Variants in SREK1IP1 observed in about 807,000 individuals in gnomAD.
SREK1IP1 encodes protein SREK1IP1.
In SREK1IP1, 12 loss-of-function variants were observed where a neutral mutation model predicts 22.8. The ratio of observed to expected loss-of-function variants is 0.53; its 90% confidence interval spans 0.34 to 0.85. SREK1IP1 has a LOEUF of 0.85. SREK1IP1 is among the 40% of genes least tolerant of loss of function. The pLI is 0.02. For missense variants in SREK1IP1, 147 were observed against 171.8 expected, an observed-to-expected ratio of 0.86 and a Z score of 0.81; for synonymous variants, 53 against 52.7, an observed-to-expected ratio of 1.01 and a Z score of -0.02.
rs1743119029 is a variant in SREK1IP1 at position 64,768,677 on chromosome 5, G to A, written c.-160C>T. On this transcript the variant is annotated 5_prime_UTR_variant, in exon 1 of 5. Transcript: ENST00000513458. ...AAGGGCCTGTACGCCTCTAGCGACG[G>A]CAGAACCAGTAGATGCGGATGCAGT... The A allele has an allele frequency of 2.2e-6, 2 of 898,532 alleles. No individual in the cohort carries two copies. Among genetic ancestry groups the A allele is most frequent in the Non-Finnish European group, 3.5e-6 (2 of 571,192 alleles). The allele number at this position is 898,532 out of a possible 1,614,324, so 55.7% of individuals were successfully genotyped here. A position where few individuals can be genotyped will look rare whatever the true frequency, so the allele number is the denominator to read the frequency against.
rs1742160666 is a variant in SREK1IP1 at position 64,721,512 on chromosome 5, G to C, written c.*2872C>G. Reference sequence around the variant, plus strand: ...TCAGAGAGTCAAAGATGTAAATGGAGATGTATATTAAGTATGAAGAAATAG... The same window carrying C: ...TCAGAGAGTCAAAGATGTAAATGGACATGTATATTAAGTATGAAGAAATAG... On this transcript the variant is annotated 3_prime_UTR_variant, in exon 5 of 5. Coordinates refer to ENST00000513458, the MANE Select transcript of SREK1IP1 (RefSeq NM_173829.4). The C allele has an allele frequency of 6.6e-6, 1 of 151,588 alleles. No individual in the cohort carries two copies. Among genetic ancestry groups the C allele is most frequent in the Middle Eastern group, 3.2e-3 (1 of 316 alleles). 9.4% of individuals were successfully genotyped at this position (151,588 alleles called of 1,614,324 possible).
chr5:64,725,377 T>C (rs1489670995), intron 4 of SREK1IP1, among the ~76,000 whole-genome samples: 1 of 152,108 alleles, frequency 6.6e-6, no homozygotes, highest in Non-Finnish European at 1.5e-5. Flanking sequence ...AAAATATGAG[T>C]GACAAGACAG....
At chr5:64,732,188 C>T (rs1742392371) in intron 3 of SREK1IP1, among the ~76,000 whole-genome samples, 1 of 152,090 alleles carries the variant, frequency 6.6e-6, no homozygotes, top group Non-Finnish European at 1.5e-5. Context: ...TAAAACAATG[C>T]AAGTGATGAA....
intron 4 of SREK1IP1, chr5:64,727,553 A>ATATATATATATATTTTTT: frequency 2.4e-5 from 2 of 84,706 alleles, no homozygotes; most frequent in African/African-American, 1.1e-4. Flanking sequence ...ATATATATAT[A>ATATATATATATATTTTTT]TTTTTTTTTT....
chr5:64,744,051 G>A (rs765051708), intron 2 of SREK1IP1, among the ~76,000 whole-genome samples: 6 of 152,076 alleles, frequency 3.9e-5, no homozygotes, highest in African/African-American at 9.7e-5. Flanking sequence ...CTCAGGAACC[G>A]GGCAAGTGGA....
intron 1 of SREK1IP1, among the ~76,000 whole-genome samples, chr5:64,768,085 A>T (rs1743085843): frequency 6.6e-6 from 1 of 152,130 alleles, no homozygotes; most frequent in Admixed American, 6.5e-5. Context: ...GAACCCGCAC[A>T]CCCGGTGGGT....
At chr5:64,740,168 A>T (rs767404952) in intron 3 of SREK1IP1, among the ~76,000 whole-genome samples, 3 of 151,806 alleles carry the variant, frequency 2.0e-5, no homozygotes, top group Non-Finnish European at 2.9e-5. Context: ...TCCGCTATCC[A>T]CTCTCTCTCT....
At chr5:64,758,984 A>T (rs1742898741) in intron 1 of SREK1IP1, among the ~76,000 whole-genome samples, 1 of 152,212 alleles carries the variant, frequency 6.6e-6, no homozygotes, top group Non-Finnish European at 1.5e-5. Flanking sequence ...CTTCTACCCA[A>T]GAGTTTGAAT....
chr5:64,739,113 T>C (rs1742513188), intron 3 of SREK1IP1, among the ~76,000 whole-genome samples: 1 of 152,144 alleles, frequency 6.6e-6, no homozygotes, highest in South Asian at 2.1e-4. Context: ...GGTCTATTTT[T>C]AGCTCTGTGT....
Position 64,727,551 on chromosome 5 carries a change from ATAT to A in SREK1IP1, c.278+553_278+555del, listed in dbSNP as rs1466727070. On this transcript the variant is annotated intron_variant, in intron 4 of 4. Transcript: ENST00000513458. ...ATTACATATATATATATATATATATATATTTTTTTTTTTTTGGTGGGCGGGGGG... is the reference window on the plus strand; with the variant it reads ...ATTACATATATATATATATATATATATTTTTTTTTTTTGGTGGGCGGGGGG... The A allele has an allele frequency of 8.0e-3, 784 of 98,542 alleles. 18 individuals carry two copies. The highest frequency in any genetic ancestry group is 0.04 in the African/African-American group (722 of 18,250). The allele number at this position is 98,542 out of a possible 1,614,324, so 6.1% of individuals were successfully genotyped here.
intron 3 of SREK1IP1, among the ~76,000 whole-genome samples, chr5:64,732,651 A>T (rs1349107231): frequency 1.3e-5 from 2 of 152,182 alleles, no homozygotes; most frequent in Admixed American, 6.5e-5. Context: ...CATTTAATGC[A>T]ATTCCTATTC....
Position 64,719,826 on chromosome 5 carries a change from T to C in SREK1IP1, c.*4558A>G, listed in dbSNP as rs1488797569. ...TTTTAGAGGAGTTGGGAGGAGATAC[T>C]GAGATCAGAAGACTGGCCTTCGCAA... On this transcript the variant is annotated 3_prime_UTR_variant, in exon 5 of 5. Coordinates refer to ENST00000513458, the MANE Select transcript of SREK1IP1 (RefSeq NM_173829.4). 2 of 152,276 alleles carry C rather than the reference T, an allele frequency of 1.3e-5. No homozygotes were observed. Among genetic ancestry groups the C allele is most frequent in the South Asian group, 2.1e-4 (1 of 4,828 alleles). 9.4% of individuals were successfully genotyped at this position (152,276 alleles called of 1,614,324 possible).
At chr5:64,754,458 A>G in intron 1 of SREK1IP1, 96 bp from the exon 2 acceptor site, 1 of 1,276,708 alleles carries the variant, frequency 7.8e-7, no homozygotes, top group Non-Finnish European at 1.1e-6. Flanking sequence ...ACCATTTGTT[A>G]TAGAATTTCT....
chr5:64,737,042 ATG>A (rs902647872), intron 3 of SREK1IP1, among the ~76,000 whole-genome samples: 2 of 152,064 alleles, frequency 1.3e-5, no homozygotes, highest in African/African-American at 2.4e-5. Context: ...CTACTTAGCA[ATG>A]ATGGATTAGG....
At chr5:64,725,451 T>C (rs1011710662) in intron 4 of SREK1IP1, among the ~76,000 whole-genome samples, 1 of 152,158 alleles carries the variant, frequency 6.6e-6, no homozygotes, top group Non-Finnish European at 1.5e-5. Flanking sequence ...ATCTAAATAT[T>C]AGGAGTTAAA....
intron 1 of SREK1IP1, among the ~76,000 whole-genome samples, chr5:64,755,721 TAA>T (rs997315617): frequency 1.4e-5 from 2 of 145,388 alleles, no homozygotes; most frequent in Admixed American, 6.9e-5. Flanking sequence ...TAAAAGAAAG[TAA>T]AAAAAAAAAT....
At chr5:64,759,616 A>G (rs1742910419) in intron 1 of SREK1IP1, among the ~76,000 whole-genome samples, 1 of 152,232 alleles carries the variant, frequency 6.6e-6, no homozygotes, top group Non-Finnish European at 1.5e-5. Flanking sequence ...CATAGGACCA[A>G]AAAAGAGCAA....
chr5:64,731,396 T>C (rs1345251944), intron 3 of SREK1IP1, among the ~76,000 whole-genome samples: 1 of 151,798 alleles, frequency 6.6e-6, no homozygotes, highest in Non-Finnish European at 1.5e-5. Context: ...ATGCCTGTAG[T>C]CTCAGCTACA....
intron 3 of SREK1IP1, among the ~76,000 whole-genome samples, chr5:64,734,687 A>G (rs1276796726): frequency 1.6e-5 from 2 of 122,336 alleles, no homozygotes; most frequent in Admixed American, 7.7e-5. Flanking sequence ...CATAAAAGAT[A>G]TCTGTAAAAT....
Sources: gnomAD v4.1 joint callset for allele counts (sites outside exome capture counted in the v4.1 genomes callset) on GRCh38, gnomAD v4.1.1 for gene constraint, MANE v1.5 for transcripts, NCBI Gene and HGNC (gene_info 2026-07-23, HGNC 2026-07-21) for gene names.